The following CNTN4 variants were observed in gnomAD, a reference collection of about 807,000 sequenced individuals.
CNTN4 encodes contactin 4.
In CNTN4, 77 loss-of-function variants were observed where a neutral mutation model predicts 122.5. The observed-to-expected ratio is 0.63, with a 90% CI of 0.52 to 0.76. The LOEUF is 0.76. Ranked by LOEUF, CNTN4 falls within the 30% of genes least tolerant of loss-of-function variation. CNTN4 has a pLI of 0.00. For synonymous variants in CNTN4, 512 were observed against 447.0 expected (o/e 1.15, Z -1.83); for missense variants, 1,256 against 1,259.1 (o/e 1.00, Z 0.04).
At chr3:2,353,081 G>T (rs746680183) in intron 3 of CNTN4, among the ~76,000 whole-genome samples, 2 of 152,106 alleles carry the variant, frequency 1.3e-5, no homozygotes, top group East Asian at 1.9e-4. Flanking sequence ...AATCTATGGG[G>T]ACTGGGAGAA....
At chr3:2,170,323 AC>A (rs562132730) in intron 2 of CNTN4, among the ~76,000 whole-genome samples, 2 of 152,132 alleles carry the variant, frequency 1.3e-5, no homozygotes, top group South Asian at 2.1e-4. Context: ...CCGTCTCAAA[AC>A]AAAAAAACAA....
chr3:2,746,930 A>G (rs1329133903), intron 6 of CNTN4, among the ~76,000 whole-genome samples: 1 of 152,190 alleles, frequency 6.6e-6, no homozygotes, highest in Non-Finnish European at 1.5e-5. Context: ...TTGTATCTAT[A>G]TTGATTTTTT....
chr3:2,779,144 G>A (rs1030109463), intron 6 of CNTN4, among the ~76,000 whole-genome samples: 1 of 152,138 alleles, frequency 6.6e-6, no homozygotes, highest in South Asian at 2.1e-4. Flanking sequence ...GGTGGGGGGA[G>A]GGTAGTTAGA....
At chr3:2,995,311 A>C (rs1413202063) in intron 14 of CNTN4, among the ~76,000 whole-genome samples, 1 of 152,238 alleles carries the variant, frequency 6.6e-6, no homozygotes, top group Non-Finnish European at 1.5e-5. Flanking sequence ...TGACATTCTT[A>C]TGGACATGTG....
intron 5 of CNTN4, among the ~76,000 whole-genome samples, chr3:2,738,061 T>G (rs1306435342): frequency 1.3e-5 from 2 of 152,240 alleles, no homozygotes; most frequent in Admixed American, 1.3e-4. Flanking sequence ...AGAAGAAGCA[T>G]CAAGAAAGAC....
intron 13 of CNTN4, among the ~76,000 whole-genome samples, chr3:2,977,649 T>C (rs116160647): frequency 0.04 from 6,156 of 152,256 alleles, 319 homozygotes; most frequent in African/African-American, 0.12. Context: ...GAACCCCTCC[T>C]GCGTATCACT....
At chr3:2,956,500 A>G (rs947271814) in intron 13 of CNTN4, among the ~76,000 whole-genome samples, 15 of 152,186 alleles carry the variant, frequency 9.9e-5, no homozygotes, top group Non-Finnish European at 4.4e-5. Context: ...ATAGGCAAAG[A>G]CAAAAATCAA....
At chr3:2,469,561 A>G (rs375936280) in intron 3 of CNTN4, among the ~76,000 whole-genome samples, 44 of 152,332 alleles carry the variant, frequency 2.9e-4, no homozygotes, top group African/African-American at 8.4e-4. Context: ...TTCTCATACA[A>G]TTAGAGGAAT....
At chr3:2,892,056 A>C (rs1039673338) in intron 10 of CNTN4, among the ~76,000 whole-genome samples, 1 of 152,246 alleles carries the variant, frequency 6.6e-6, no homozygotes, top group Non-Finnish European at 1.5e-5. Flanking sequence ...TCTAGTTTAT[A>C]GATATGGAAA....
rs184236670 is a variant in CNTN4, at chr3:2,281,635, T to G, written c.-144-57543T>G. ...ATACGTTTTTACTTTTCCCAATTCT[T>G]GACAACCTTCTATAGTAGTATTTCA... On this transcript the variant is annotated intron_variant, in intron 2 of 24. Transcript: ENST00000418658. 2.6e-5 allele frequency among the ~76,000 whole-genome samples: 4 copies of G among 152,212 alleles called. No homozygotes were observed. The East Asian group carries it at 7.8e-4, about 30-fold the overall frequency.
At chr3:2,103,679 C>A (rs1403469862) in intron 2 of CNTN4, among the ~76,000 whole-genome samples, 1 of 152,010 alleles carries the variant, frequency 6.6e-6, no homozygotes, top group African/African-American at 2.4e-5. Flanking sequence ...AGAAAGGAAA[C>A]CCTCTTCTTT....
At chr3:3,022,504 G>A (rs1042818515) in intron 14 of CNTN4, among the ~76,000 whole-genome samples, 1 of 152,166 alleles carries the variant, frequency 6.6e-6, no homozygotes, top group African/African-American at 2.4e-5. Context: ...CTATAAATCA[G>A]AAAGTCTTTC....
chr3:2,877,635 T>G (rs1464161960), intron 8 of CNTN4, among the ~76,000 whole-genome samples: 1 of 152,084 alleles, frequency 6.6e-6, no homozygotes, highest in Admixed American at 6.5e-5. Flanking sequence ...TAGACCTGGG[T>G]AGGTCTTTAC....
chr3:2,810,555 C>A (rs555229259), intron 6 of CNTN4, among the ~76,000 whole-genome samples: 1 of 152,232 alleles, frequency 6.6e-6, no homozygotes, highest in African/African-American at 2.4e-5. Flanking sequence ...CACCACTTTC[C>A]TCATCCAGTT....
chr3:2,741,821 T>TA (rs917244839), intron 5 of CNTN4, among the ~76,000 whole-genome samples: 1 of 152,236 alleles, frequency 6.6e-6, no homozygotes, highest in African/African-American at 2.4e-5. Context: ...ATTGCTTTTG[T>TA]AACACTGTGT....
intron 13 of CNTN4, among the ~76,000 whole-genome samples, chr3:2,983,661 G>A (rs371628015): frequency 1.3e-5 from 2 of 152,168 alleles, no homozygotes; most frequent in African/African-American, 4.8e-5. Flanking sequence ...TACAAACAAG[G>A]AAGCTGAGTT....
At chr3:3,005,300 A>C (rs940995773) in intron 14 of CNTN4, among the ~76,000 whole-genome samples, 4 of 152,112 alleles carry the variant, frequency 2.6e-5, no homozygotes, top group African/African-American at 9.7e-5. Context: ...ATTTTTTTCA[A>C]ATGTTTAATT....
chr3:2,530,729 G>T (rs937166290), intron 3 of CNTN4, among the ~76,000 whole-genome samples: 11 of 152,042 alleles, frequency 7.2e-5, no homozygotes, highest in African/African-American at 2.4e-4. Context: ...ATTATTTAGA[G>T]AACACTTATG....
chr3:2,699,339 C>A (rs921666293), intron 4 of CNTN4, among the ~76,000 whole-genome samples: 4 of 152,116 alleles, frequency 2.6e-5, no homozygotes, highest in African/African-American at 9.7e-5. Context: ...GTTCTCCACT[C>A]GGTTCCTTCC....
Sources: allele counts gnomAD v4.1 joint callset (sites outside exome capture counted in the v4.1 genomes callset), GRCh38; gene constraint gnomAD v4.1.1; transcripts MANE v1.5; gene names NCBI Gene and HGNC (gene_info 2026-07-23, HGNC 2026-07-21).